Variants in NBPF15 observed in about 807,000 individuals in gnomAD.
The protein encoded by NBPF15 is NBPF family member NBPF15.
In NBPF15, 74 loss-of-function variants were observed where a neutral mutation model predicts 62.2. The observed-to-expected ratio is 1.19, with a 90% CI of 0.99 to 1.44. The LOEUF (loss-of-function observed/expected upper bound fraction) is 1.44. Among genes scored for constraint, NBPF15 ranks in the 40% most tolerant of loss-of-function variants. The pLI, the probability that NBPF15 is intolerant of heterozygous loss-of-function variation, is 0.00. For missense variants in NBPF15, 790 were observed against 550.0 expected, an observed-to-expected ratio of 1.44 and a Z score of -4.36; for synonymous variants, 244 against 209.7, an observed-to-expected ratio of 1.16 and a Z score of -1.41.
chr1:144,448,015 C>A (rs181355759), intron 6 of NBPF15, among the ~76,000 whole-genome samples: 1 of 152,198 alleles, frequency 6.6e-6, no homozygotes, highest in East Asian at 1.9e-4. Flanking sequence ...GCCCACAAGC[C>A]TTAGCCATGC....
At chr1:144,453,510 G>T (rs1224266140) in intron 4 of NBPF15, among the ~76,000 whole-genome samples, 2 of 151,548 alleles carry the variant, frequency 1.3e-5, no homozygotes, top group East Asian at 1.9e-4. Flanking sequence ...CTTCTGTTCT[G>T]TGAAAGACAC....
At chr1:144,449,647 G>T (rs1689871993) in intron 5 of NBPF15, among the ~76,000 whole-genome samples, 1 of 152,042 alleles carries the variant, frequency 6.6e-6, no homozygotes. Context: ...CAGAGGTAAA[G>T]ACCCACAGGA....
chr1:144,439,405 G>C (rs1553542092), intron 8 of NBPF15, among the ~76,000 whole-genome samples: 2 of 152,182 alleles, frequency 1.3e-5, no homozygotes, highest in Admixed American at 1.3e-4. Flanking sequence ...AGAGTCACTA[G>C]AACAGAGCTT....
intron 13 of NBPF15, among the ~76,000 whole-genome samples, chr1:144,432,147 A>C (rs1294860222): frequency 3.3e-5 from 5 of 151,886 alleles, no homozygotes; most frequent in African/African-American, 1.2e-4. Flanking sequence ...CATCCTCTCC[A>C]GCATCTTCAA....
At chr1:144,457,445 C>T (rs1184411100) in intron 3 of NBPF15, among the ~76,000 whole-genome samples, 5 of 152,004 alleles carry the variant, frequency 3.3e-5, no homozygotes, top group African/African-American at 1.2e-4. Flanking sequence ...TTTTCATTGA[C>T]ATTTCCTTTT....
chr1:144,432,483 TAAATG>T (rs1348244752), intron 13 of NBPF15, among the ~76,000 whole-genome samples: 4 of 151,980 alleles, frequency 2.6e-5, no homozygotes, highest in African/African-American at 9.7e-5. Context: ...GTAAATGGGC[TAAATG>T]CCCCAGTTAA....
chr1:144,461,316 C>T (rs1225615976), intron 1 of NBPF15, 65 bp downstream of exon 1: 1 of 151,466 alleles, frequency 6.6e-6, no homozygotes, highest in African/African-American at 2.4e-5. Context: ...CCCTCCGTCG[C>T]TCGCAACAAA....
At chr1:144,423,483 G>C (rs1667257320) in intron 21 of NBPF15, among the ~76,000 whole-genome samples, 2 of 152,030 alleles carry the variant, frequency 1.3e-5, no homozygotes, top group Non-Finnish European at 2.9e-5. Context: ...CAGAGACAGA[G>C]AGAAAGTGAG....
intron 4 of NBPF15, among the ~76,000 whole-genome samples, chr1:144,455,335 C>A (rs1693795612): frequency 6.6e-6 from 1 of 151,950 alleles, no homozygotes; most frequent in Non-Finnish European, 1.5e-5. Context: ...AAGATGAGAA[C>A]ATCCAGGGGA....
intron 5 of NBPF15, among the ~76,000 whole-genome samples, chr1:144,449,519 A>G (rs1413717094): frequency 6.6e-6 from 1 of 151,706 alleles, no homozygotes; most frequent in African/African-American, 2.4e-5. Flanking sequence ...AACTTTTGAC[A>G]CACAAAACAA....
At chr1:144,458,810 T>C (rs1406688616) in intron 3 of NBPF15, among the ~76,000 whole-genome samples, 1 of 151,476 alleles carries the variant, frequency 6.6e-6, no homozygotes. Flanking sequence ...GAGGTTGAAG[T>C]GGGAAGATTA....
intron 13 of NBPF15, among the ~76,000 whole-genome samples, chr1:144,432,369 G>T (rs1476384466): frequency 6.6e-6 from 1 of 151,918 alleles, no homozygotes; most frequent in African/African-American, 2.4e-5. Flanking sequence ...AAACTGTAAA[G>T]ACCATTGACG....
At chr1:144,453,413 G>T (rs587738173) in intron 4 of NBPF15, among the ~76,000 whole-genome samples, 1 of 151,672 alleles carries the variant, frequency 6.6e-6, no homozygotes, top group South Asian at 2.1e-4. Flanking sequence ...GGGATCCTGG[G>T]TTCAATGATG....
At chr1:144,438,602 T>A (rs1353028393) in intron 8 of NBPF15, among the ~76,000 whole-genome samples, 1 of 152,046 alleles carries the variant, frequency 6.6e-6, no homozygotes, top group Non-Finnish European at 1.5e-5. Flanking sequence ...GAAGGAAATA[T>A]GCCCAAATGC....
At chr1:144,453,762 AAAC>A (rs1385497563) in intron 4 of NBPF15, among the ~76,000 whole-genome samples, 1 of 146,800 alleles carries the variant, frequency 6.8e-6, no homozygotes, top group Non-Finnish European at 1.5e-5. Context: ...TTGCACATTA[AAAC>A]AACGAGATAT....
rs1241115152 is a variant in NBPF15, at chr1:144,439,974, G to T, written c.30C>A (p.Ser10Arg). 10 of 1,610,218 alleles carry T rather than the reference G, an allele frequency of 6.2e-6. No individual in the cohort carries two copies. In the African/African-American group the frequency reaches 1.2e-4, roughly 19 times the overall value. Residue 10 changes from serine to arginine, a missense_variant, in exon 8 of 22, where the codon AGC becomes AGA. Transcript: ENST00000581897. Reference protein sequence around the residue: MVVSAGPLSSEKAEMNILEI... With the variant: MVVSAGPLSREKAEMNILEI... ...CTAGAATGTTCATCTCTGCCTTCTC[G>T]CTGGACAAAGGGCCGGCTGATACCA...
chr1:144,434,840 C>G lies in NBPF15; in HGVS notation c.772+271G>C, dbSNP rs587634323. Among the ~76,000 whole-genome samples, 117 of 152,086 alleles carry G rather than the reference C, an allele frequency of 7.7e-4. 4 individuals carry two copies. Among genetic ancestry groups the G allele is most frequent in the South Asian group, 2.7e-3 (13 of 4,808 alleles). On this transcript the variant is annotated intron_variant, in intron 12 of 21. Transcript: ENST00000581897. ...GATGACAAGAGATACTGAATCGAAG[C>G]TAGGAGGCCTGACAGATATGGCCTG...
intron 3 of NBPF15, 29 bp downstream of exon 3, chr1:144,459,337 A>C (rs371730739): frequency 1.3e-5 from 2 of 152,090 alleles, no homozygotes; most frequent in South Asian, 2.1e-4. Context: ...CTAAAAATAC[A>C]GAAAAGAGCT....
At chr1:144,428,361 C>T (rs1299887812) in intron 15 of NBPF15, among the ~76,000 whole-genome samples, 2 of 151,882 alleles carry the variant, frequency 1.3e-5, no homozygotes, top group East Asian at 3.9e-4. Context: ...AGTTTCCCTG[C>T]AGTTACCATG....
Sources: gnomAD v4.1 joint callset for allele counts (sites outside exome capture counted in the v4.1 genomes callset) on GRCh38, gnomAD v4.1.1 for gene constraint, MANE v1.5 for transcripts, NCBI Gene and HGNC (gene_info 2026-07-23, HGNC 2026-07-21) for gene names.